MBNL1: variants seen among roughly 807,000 people sequenced by gnomAD.
MBNL1 encodes muscleblind-like protein 1.
Under a neutral mutation model 42.2 loss-of-function variants are expected in MBNL1, and 8 were observed. That is an observed-to-expected ratio of 0.19 (90% confidence interval 0.11 to 0.34). The LOEUF (loss-of-function observed/expected upper bound fraction) is 0.34, where lower values mean the gene tolerates loss of function less well. MBNL1 is among the 10% of genes least tolerant of loss of function. The pLI is 1.00. For synonymous variants in MBNL1, 169 were observed against 173.9 expected (o/e 0.97, Z 0.22); for missense variants, 309 against 495.3 (o/e 0.62, Z 3.57).
intron 3 of MBNL1, among the ~76,000 whole-genome samples, chr3:152,428,433 A>G (rs2153731513): frequency 1.3e-5 from 2 of 152,314 alleles, no homozygotes; most frequent in Middle Eastern, 3.4e-3. Flanking sequence ...AGAGGGTAAG[A>G]AAAACCCCTT....
chr3:152,317,097 A>T (rs143378439), intron 2 of MBNL1, among the ~76,000 whole-genome samples: 64 of 152,260 alleles, frequency 4.2e-4, no homozygotes, highest in Admixed American at 4.2e-3. Context: ...GCAAACAAAA[A>T]AAAGCTACTT....
At chr3:152,427,631 C>T (rs1251389085) in intron 3 of MBNL1, among the ~76,000 whole-genome samples, 1 of 151,910 alleles carries the variant, frequency 6.6e-6, no homozygotes, top group Non-Finnish European at 1.5e-5. Context: ...TGTTTATATT[C>T]AAAATAGTTC....
chr3:152,261,136 T>C (rs1198741354), intron 2 of MBNL1, among the ~76,000 whole-genome samples: 1 of 152,102 alleles, frequency 6.6e-6, no homozygotes, highest in African/African-American at 2.4e-5. Flanking sequence ...CGCTTTGAAA[T>C]CATCTAAGGG....
At chr3:152,415,750 T>G (rs1182053184) in intron 3 of MBNL1, among the ~76,000 whole-genome samples, 1 of 152,180 alleles carries the variant, frequency 6.6e-6, no homozygotes. Flanking sequence ...GTCATAGATA[T>G]TTAGTATTTG....
At chr3:152,307,086 T>G (rs2063552640) in intron 2 of MBNL1, among the ~76,000 whole-genome samples, 1 of 152,116 alleles carries the variant, frequency 6.6e-6, no homozygotes, top group Non-Finnish European at 1.5e-5. Flanking sequence ...GCCTCCCACG[T>G]TCAAGCAATT....
intron 8 of MBNL1, chr3:152,458,687 C>T (rs1295075481): frequency 2.6e-5 from 4 of 156,482 alleles, no homozygotes; most frequent in Non-Finnish European, 5.7e-5. Context: ...TGTATTTTCT[C>T]TCAAGTTCTC....
chr3:152,317,199 A>G (rs1330507534), intron 2 of MBNL1, among the ~76,000 whole-genome samples: 2 of 152,184 alleles, frequency 1.3e-5, no homozygotes, highest in African/African-American at 4.8e-5. Context: ...CAAATCAGCC[A>G]GTTGATAAAA....
At chr3:152,252,272 CT>C (rs1435259497) in intron 2 of MBNL1, among the ~76,000 whole-genome samples, 1 of 149,288 alleles carries the variant, frequency 6.7e-6, no homozygotes, top group African/African-American at 2.5e-5. Context: ...TTATTCCTCC[CT>C]TCCTCCCCTC....
chr3:152,415,148 G>T, intron 3 of MBNL1, 37 bp downstream of exon 3: 3 of 1,525,418 alleles, frequency 2.0e-6, no homozygotes, highest in South Asian at 1.3e-5. Context: ...TTAAGTTTTT[G>T]ATTCAAAGTG....
chr3:152,416,310 C>A (rs1214758061), intron 3 of MBNL1, among the ~76,000 whole-genome samples: 1 of 152,122 alleles, frequency 6.6e-6, no homozygotes, highest in Non-Finnish European at 1.5e-5. Flanking sequence ...TCTGTTTTAA[C>A]CTGATCTGGT....
At chr3:152,257,782 C>G (rs1166090034) in intron 2 of MBNL1, among the ~76,000 whole-genome samples, 1 of 152,154 alleles carries the variant, frequency 6.6e-6, no homozygotes, top group Non-Finnish European at 1.5e-5. Context: ...CCTGTGGCGA[C>G]AGCTCTGGCG....
intron 3 of MBNL1, among the ~76,000 whole-genome samples, chr3:152,423,672 C>T (rs1037379222): frequency 6.6e-5 from 10 of 152,080 alleles, no homozygotes; most frequent in East Asian, 1.9e-4. Flanking sequence ...AACATCGGTG[C>T]GAAAATCCTT....
At chr3:152,272,314 TA>T (rs1050881803) in intron 1 of MBNL1, among the ~76,000 whole-genome samples, 6 of 152,154 alleles carry the variant, frequency 3.9e-5, no homozygotes, top group Non-Finnish European at 8.8e-5. Flanking sequence ...AGCTGCTATT[TA>T]GTTTAGAGAT....
chr3:152,357,864 A>G (rs2095638141), intron 2 of MBNL1, among the ~76,000 whole-genome samples: 1 of 152,222 alleles, frequency 6.6e-6, no homozygotes, highest in Admixed American at 6.5e-5. Context: ...GGCTCATGGC[A>G]TGCATCATCA....
At chr3:152,450,964 T>C (rs1404959167) in intron 6 of MBNL1, among the ~76,000 whole-genome samples, 1 of 152,242 alleles carries the variant, frequency 6.6e-6, no homozygotes, top group Non-Finnish European at 1.5e-5. Context: ...AGGAATTTCA[T>C]TTTCCAAAGT....
upstream of MBNL1, chr3:152,268,561 T>C (rs2037917467): frequency 5.8e-6 from 2 of 344,338 alleles, no homozygotes; most frequent in Non-Finnish European, 1.2e-5. Flanking sequence ...CGGGAGGGCG[T>C]CCGGTCTGCA....
chr3:152,290,890 G>A (rs1403094798), intron 1 of MBNL1, among the ~76,000 whole-genome samples: 2 of 152,088 alleles, frequency 1.3e-5, no homozygotes, highest in Admixed American at 6.6e-5. Context: ...TGACAGATTC[G>A]GGTTGGGTCA....
chr3:152,308,977 A>T (rs1448027216), intron 2 of MBNL1, among the ~76,000 whole-genome samples: 2 of 152,204 alleles, frequency 1.3e-5, no homozygotes, highest in East Asian at 3.8e-4. Flanking sequence ...GGCAGATGTT[A>T]ACAATACAGT....
At chr3:152,298,079 C>G (rs1295322424) in intron 1 of MBNL1, among the ~76,000 whole-genome samples, 5 of 152,024 alleles carry the variant, frequency 3.3e-5, no homozygotes, top group Non-Finnish European at 4.4e-5. Context: ...AATTTAAGTT[C>G]TAGATGTTCG....
Sources: gnomAD v4.1 joint callset for allele counts (sites outside exome capture counted in the v4.1 genomes callset) on GRCh38, gnomAD v4.1.1 for gene constraint, MANE v1.5 for transcripts, NCBI Gene and HGNC (gene_info 2026-07-23, HGNC 2026-07-21) for gene names.